Variants in NLRP11 observed in about 807,000 individuals in gnomAD.
NLRP11 encodes NACHT, LRR and PYD domains-containing protein 11.
NLRP11 carries 53 observed loss-of-function variants against 79.3 expected under a neutral mutation model. The ratio of observed to expected loss-of-function variants is 0.67; its 90% CI spans 0.54 to 0.84. The LOEUF is 0.84. NLRP11 is among the 40% of genes least tolerant of loss of function. NLRP11 has a pLI of 0.00. For synonymous variants in NLRP11, 518 were observed against 462.6 expected (o/e 1.12, Z -1.54); for missense variants, 1,264 against 1,255.0 (o/e 1.01, Z -0.11).
intron 1 of NLRP11, among the ~76,000 whole-genome samples, chr19:55,818,680 C>T (rs1981377725): frequency 6.6e-6 from 1 of 152,154 alleles, no homozygotes; most frequent in Non-Finnish European, 1.5e-5. Context: ...AATGATTATA[C>T]TCCTTGGAGG....
chr19:55,801,272 T>G (rs1432276945), intron 5 of NLRP11: 1 of 262,054 alleles, frequency 3.8e-6, no homozygotes, highest in Non-Finnish European at 7.2e-6. Context: ...TAATTTCCAC[T>G]AGACAGTGTT....
intron 5 of NLRP11, among the ~76,000 whole-genome samples, chr19:55,801,345 C>T (rs1979455126): frequency 6.6e-6 from 1 of 152,042 alleles, no homozygotes; most frequent in Non-Finnish European, 1.5e-5. Context: ...AGAGAAATAT[C>T]AGTCAAGGGA....
chr19:55,828,971 TTAGA>T (rs1203037834), intron 1 of NLRP11, among the ~76,000 whole-genome samples: 1 of 152,108 alleles, frequency 6.6e-6, no homozygotes, highest in African/African-American at 2.4e-5. Context: ...GAAATATCAA[TTAGA>T]TATAGAACTT....
At chr19:55,827,990 A>G (rs1341339512) in intron 1 of NLRP11, among the ~76,000 whole-genome samples, 1 of 151,762 alleles carries the variant, frequency 6.6e-6, no homozygotes, top group African/African-American at 2.4e-5. Context: ...GGCATTATTC[A>G]CAATAGCAAA....
chr19:55,810,228 C>T, exon 3 of NLRP11: 1 of 1,614,098 alleles, frequency 6.2e-7, no homozygotes, highest in Non-Finnish European at 8.5e-7. Flanking sequence ...ATGTAGAACA[C>T]ATCTGACGAA....
chr19:55,829,494 T>C (rs947621530), intron 1 of NLRP11, among the ~76,000 whole-genome samples: 2 of 151,656 alleles, frequency 1.3e-5, no homozygotes, highest in Non-Finnish European at 2.9e-5. Flanking sequence ...AGTGAAGCCT[T>C]GTCTCTACTA....
rs1204513652 is a variant in NLRP11, at chr19:55,809,481, C to T, written c.1129G>A (p.Ala377Thr). The T allele has an allele frequency of 3.7e-6, 6 of 1,614,168 alleles. No individual in the cohort carries two copies. The highest frequency in any genetic ancestry group is 5.1e-6 in the Non-Finnish European group (6 of 1,180,034). ...GTAAGTCCAGCCTCTGATGTCAACG[C>T]ATCAGCAAGAAAGTGGGCATGTAGA... The change falls in exon 3 of 10, where the codon GCG becomes ACG. Residue 377 changes from alanine to threonine, a missense_variant. Transcript: ENST00000589093. This position sits in a 1 kb window ranked among gnomAD's most constrained non-coding sequence, Gnocchi z 4.5.
chr19:55,790,985 CAAAA>C (rs58803553), intron 7 of NLRP11, among the ~76,000 whole-genome samples: 13,271 of 152,134 alleles, frequency 0.087, 1,299 homozygotes, highest in African/African-American at 0.24. Context: ...TGAAGGATGA[CAAAA>C]GAACGTGTTT....
chr19:55,788,696 C>T (rs745527469), intron 9 of NLRP11, 111 bp downstream of exon 9: 13 of 731,232 alleles, frequency 1.8e-5, no homozygotes, highest in African/African-American at 4.1e-5. Flanking sequence ...GCCAAGATCA[C>T]GCCACTGCAC....
At chr19:55,791,792 G>A (rs1395615802) in intron 7 of NLRP11, among the ~76,000 whole-genome samples, 1 of 152,058 alleles carries the variant, frequency 6.6e-6, no homozygotes, top group Non-Finnish European at 1.5e-5. Flanking sequence ...ATTTTTTCCT[G>A]GAAGTTCAAT....
At position 55,809,615 on chromosome 19, in the gene NLRP11, A is replaced by T; in HGVS notation, c.995T>A (p.Leu332His). 6.2e-7 allele frequency: 1 copy of T among 1,614,218 alleles called. No homozygotes were observed. The highest frequency in any genetic ancestry group is 1.3e-5 in the African/African-American group (1 of 75,062). Reference sequence around the variant, plus strand: ...GATGGCGACTCGGCACAGACCCACGAGTATTTCATCCTCATGTACAAGCTG... The same window carrying T: ...GATGGCGACTCGGCACAGACCCACGTGTATTTCATCCTCATGTACAAGCTG... The change falls in exon 3 of 10, where the codon CTC becomes CAC. Residue 332 changes from leucine to histidine, a missense_variant. Coordinates refer to ENST00000589093, the Ensembl canonical transcript of NLRP11. This position sits in a 1 kb window ranked among gnomAD's most constrained non-coding sequence, Gnocchi z 4.5.
rs1600190450 is a variant in NLRP11, at chr19:55,809,771, G to A, written c.839C>T (p.Thr280Ile). ...GAACGTTTTTACATTATTCCCACGT[G>A]TGGGCCTTGAGGAGATGAGGAACCA... Residue 280 changes from threonine (T) to isoleucine (I), a missense_variant, in exon 3 of 10, where the codon ACA becomes ATA. Coordinates refer to ENST00000589093, the Ensembl canonical transcript of NLRP11. The surrounding 1 kb of genome is among the most constrained non-coding windows in gnomAD (Gnocchi z 4.5). The A allele has an allele frequency of 6.2e-7, 1 of 1,614,206 alleles. No homozygotes were observed.
At chr19:55,787,688 G>A (rs958536156) in intron 9 of NLRP11, among the ~76,000 whole-genome samples, 2 of 152,092 alleles carry the variant, frequency 1.3e-5, no homozygotes, top group African/African-American at 2.4e-5. Flanking sequence ...CTTTTTTGGT[G>A]AGCCTACATA....
chr19:55,833,767 A>G (rs1431735603), upstream of NLRP11, among the ~76,000 whole-genome samples: 2 of 108,600 alleles, frequency 1.8e-5, no homozygotes, highest in Admixed American at 9.5e-5. Flanking sequence ...CTCCGTCTCA[A>G]AAAAAAAAAA....
chr19:55,791,305 A>G (rs1479418859), intron 7 of NLRP11, among the ~76,000 whole-genome samples: 1 of 152,186 alleles, frequency 6.6e-6, no homozygotes, highest in African/African-American at 2.4e-5. Context: ...GAGTTATATT[A>G]TTTTCCCCAA....
At chr19:55,801,618 G>T (rs779367599) in exon 5 of NLRP11, 2 of 1,614,096 alleles carry the variant, frequency 1.2e-6, no homozygotes, top group Non-Finnish European at 1.7e-6. Flanking sequence ...ATGTCATGCA[G>T]AAGTGAAAAC....
exon 9 of NLRP11, chr19:55,788,828 T>C (rs151159093): frequency 2.0e-6 from 3 of 1,526,984 alleles, no homozygotes; most frequent in African/African-American, 1.5e-5. Flanking sequence ...AAGTACACAA[T>C]CTGGGCTGAT....
chr19:55,807,879 A>G (rs1980150904), exon 4 of NLRP11: 1 of 1,612,656 alleles, frequency 6.2e-7, no homozygotes, highest in Non-Finnish European at 8.5e-7. Context: ...TACAGCTAGA[A>G]TGCTCCAGGG....
At chr19:55,822,562 T>C (rs530203248) in intron 1 of NLRP11, among the ~76,000 whole-genome samples, 4 of 151,814 alleles carry the variant, frequency 2.6e-5, no homozygotes, top group South Asian at 2.1e-4. Context: ...GCGCGCACCG[T>C]GCGCGAGCCG....
Sources: gnomAD v4.1 joint callset for allele counts (sites outside exome capture counted in the v4.1 genomes callset) on GRCh38, gnomAD v4.1.1 for gene constraint, Gnocchi (gnomAD v3.1) non-coding constraint, MANE v1.5 for transcripts, NCBI Gene and HGNC (gene_info 2026-07-23, HGNC 2026-07-21) for gene names.